Variants in UNC5D observed in about 807,000 individuals in gnomAD.
The protein encoded by UNC5D is unc-5 netrin receptor D.
Under a neutral mutation model 105.4 loss-of-function variants are expected in UNC5D, and 39 were observed. That is an observed-to-expected ratio of 0.37 (90% CI 0.29 to 0.48). The LOEUF is 0.48. UNC5D is among the 20% of genes least tolerant of loss of function. The probability of loss-of-function intolerance (pLI) is 0.98; values close to 1 mark genes in which losing one functional copy is unlikely to be tolerated. For missense variants in UNC5D, 991 were observed against 1,202.4 expected (o/e 0.82, Z 2.60); for synonymous variants, 452 against 450.4 (o/e 1.00, Z -0.04).
At chr8:35,496,297 A>G (rs1811590642) in intron 1 of UNC5D, among the ~76,000 whole-genome samples, 1 of 152,118 alleles carries the variant, frequency 6.6e-6, no homozygotes, top group Non-Finnish European at 1.5e-5. Context: ...TGCTGAGGTC[A>G]ATTTAAGGAA....
chr8:35,740,371 G>A (rs1829699511), intron 11 of UNC5D, among the ~76,000 whole-genome samples: 1 of 152,212 alleles, frequency 6.6e-6, no homozygotes, highest in South Asian at 2.1e-4. Context: ...CTGCTGGCTT[G>A]AAGAAGGGGC....
chr8:35,633,037 T>G (rs1275797407), intron 4 of UNC5D, among the ~76,000 whole-genome samples: 4 of 152,190 alleles, frequency 2.6e-5, no homozygotes, highest in African/African-American at 7.2e-5. Context: ...TCCAATAGTC[T>G]ATGTCCCTGG....
At chr8:35,549,262 T>C (rs1207028736) in intron 1 of UNC5D, 30 bp from the exon 2 acceptor site, 1 of 1,608,888 alleles carries the variant, frequency 6.2e-7, no homozygotes, top group Admixed American at 1.7e-5. Context: ...CAATGTAGGC[T>C]GTGTTCTGAT....
At chr8:35,341,665 C>G (rs987979979) in intron 1 of UNC5D, among the ~76,000 whole-genome samples, 1 of 152,068 alleles carries the variant, frequency 6.6e-6, no homozygotes, top group Admixed American at 6.6e-5. Flanking sequence ...AGAAAAGATA[C>G]ATCTTTGATA....
intron 1 of UNC5D, among the ~76,000 whole-genome samples, chr8:35,280,525 G>T (rs1220011973): frequency 6.6e-6 from 1 of 152,170 alleles, no homozygotes; most frequent in East Asian, 1.9e-4. Flanking sequence ...GTGCATTTGT[G>T]TGAGTGTTGT....
intron 1 of UNC5D, among the ~76,000 whole-genome samples, chr8:35,496,234 T>G (rs1031153767): frequency 1.1e-4 from 17 of 152,072 alleles, no homozygotes; most frequent in African/African-American, 4.1e-4. Context: ...TAAGTATCTG[T>G]GAGTAGGGGA....
At chr8:35,426,380 G>A (rs1351695155) in intron 1 of UNC5D, among the ~76,000 whole-genome samples, 1 of 152,044 alleles carries the variant, frequency 6.6e-6, no homozygotes. Flanking sequence ...GGAAAATAAA[G>A]ATGTAAAAAA....
At chr8:35,394,886 G>T (rs767975330) in intron 1 of UNC5D, among the ~76,000 whole-genome samples, 5 of 152,104 alleles carry the variant, frequency 3.3e-5, no homozygotes, top group African/African-American at 4.8e-5. Flanking sequence ...TTAGATAAAG[G>T]GTAATGGAAA....
At chr8:35,562,766 G>A (rs1563538095) in intron 2 of UNC5D, among the ~76,000 whole-genome samples, 1 of 151,950 alleles carries the variant, frequency 6.6e-6, no homozygotes, top group Non-Finnish European at 1.5e-5. Context: ...TCAGTGGGTT[G>A]TCTTTTAGTT....
At chr8:35,446,220 AT>A (rs1807785925) in intron 1 of UNC5D, among the ~76,000 whole-genome samples, 1 of 151,912 alleles carries the variant, frequency 6.6e-6, no homozygotes, top group Non-Finnish European at 1.5e-5. Flanking sequence ...ATTGTAAATG[AT>A]TCCCTGCATT....
chr8:35,355,151 T>C (rs1378960923), intron 1 of UNC5D, among the ~76,000 whole-genome samples: 1 of 152,130 alleles, frequency 6.6e-6, no homozygotes, highest in African/African-American at 2.4e-5. Flanking sequence ...AGACTTTACC[T>C]CTTAATAGGA....
At chr8:35,569,190 A>ACTTTTTTTCTC (rs1817562437) in intron 3 of UNC5D, among the ~76,000 whole-genome samples, 1 of 152,156 alleles carries the variant, frequency 6.6e-6, no homozygotes, top group African/African-American at 2.4e-5. Context: ...AAATACACAA[A>ACTTTTTTTCTC]CTTTTTTTCT....
chr8:35,453,036 C>A (rs1182395726), intron 1 of UNC5D, among the ~76,000 whole-genome samples: 1 of 152,194 alleles, frequency 6.6e-6, no homozygotes, highest in Non-Finnish European at 1.5e-5. Context: ...ATTTGTCCTG[C>A]AGGCTTCTAG....
chr8:35,318,768 T>C (rs1809490162), intron 1 of UNC5D, among the ~76,000 whole-genome samples: 1 of 152,102 alleles, frequency 6.6e-6, no homozygotes, highest in Non-Finnish European at 1.5e-5. Context: ...AGGCTGTGTT[T>C]CACTGAGCAT....
In UNC5D at chr8:35,399,170, TCCTCTACATAACCATTAATTC is replaced by T. The variant is rs1804293682; in HGVS notation, c.104-150120_104-150100del. 2.2e-5 allele frequency among the ~76,000 whole-genome samples: 3 copies of T among 137,078 alleles called. No homozygotes were observed. In the East Asian group the frequency reaches 6.3e-4, roughly 29 times the overall value. 89.9% of individuals were successfully genotyped at this position (137,078 alleles called of 152,430 possible). A position where few individuals can be genotyped will look rare whatever the true frequency, so the allele number is the denominator to read the frequency against. On this transcript the variant is annotated intron_variant, in intron 1 of 16. Coordinates refer to ENST00000404895, the MANE Select transcript of UNC5D (RefSeq NM_080872.4). ...CAAAAAAAAAAAAAAAAAAAAAAAG[TCCTCTACATAACCATTAATTC>T]CTCTCACCATTGGAGGGAGGAATTT...
At chr8:35,754,190 G>C (rs921287342) in intron 13 of UNC5D, among the ~76,000 whole-genome samples, 3 of 152,154 alleles carry the variant, frequency 2.0e-5, no homozygotes, top group African/African-American at 7.2e-5. Flanking sequence ...GCTGAAAATA[G>C]AGTATACAGT....
At chr8:35,581,554 G>A (rs908776415) in intron 3 of UNC5D, among the ~76,000 whole-genome samples, 4 of 152,192 alleles carry the variant, frequency 2.6e-5, no homozygotes, top group Non-Finnish European at 5.9e-5. Context: ...GCATAACAAT[G>A]TGAACTATGG....
Position 35,593,090 on chromosome 8 carries a change from T to C in UNC5D, c.467-2464T>C, listed in dbSNP as rs1030915167. Among the ~76,000 whole-genome samples, 109 of 145,758 alleles carry C rather than the reference T, an allele frequency of 7.5e-4. 1 individual carries two copies. Among genetic ancestry groups the C allele is most frequent in the Non-Finnish European group, 1.3e-3 (86 of 65,400 alleles). On this transcript the variant is annotated intron_variant, in intron 3 of 16. Coordinates refer to ENST00000404895, the MANE Select transcript of UNC5D (RefSeq NM_080872.4). ...ACACACACACACACACACACACAAA[T>C]ATGTAAATTATACAAACGTGTATAA...
At chr8:35,430,405 C>A (rs1033712232) in intron 1 of UNC5D, among the ~76,000 whole-genome samples, 5 of 152,130 alleles carry the variant, frequency 3.3e-5, no homozygotes, top group Non-Finnish European at 1.5e-5. Flanking sequence ...TTTGTAATAT[C>A]CTTTATAATA....
Sources: gnomAD v4.1 joint callset for allele counts (sites outside exome capture counted in the v4.1 genomes callset) on GRCh38, gnomAD v4.1.1 for gene constraint, MANE v1.5 for transcripts, NCBI Gene and HGNC (gene_info 2026-07-23, HGNC 2026-07-21) for gene names.